KLHL1: variants seen among roughly 807,000 people sequenced by gnomAD.
KLHL1 encodes kelch like family member 1.
In KLHL1, 47 loss-of-function variants were observed where a neutral mutation model predicts 77.7. The observed-to-expected ratio is 0.60, with a 90% CI of 0.48 to 0.77. The LOEUF (loss-of-function observed/expected upper bound fraction) is 0.77, where lower values mean the gene tolerates loss of function less well. Among genes scored for constraint, KLHL1 ranks in the 30% least tolerant of loss-of-function variants. KLHL1 has a pLI of 0.00. For synonymous variants in KLHL1, 360 were observed against 325.2 expected (o/e 1.11, Z -1.15); for missense variants, 925 against 910.8 (o/e 1.02, Z -0.20).
chr13:69,929,862 A>G (rs1185212404), intron 4 of KLHL1, among the ~76,000 whole-genome samples: 1 of 151,848 alleles, frequency 6.6e-6, no homozygotes, highest in Non-Finnish European at 1.5e-5. Context: ...TGATTACCAT[A>G]TATACTCAGG....
intron 4 of KLHL1, among the ~76,000 whole-genome samples, chr13:69,904,513 T>C (rs767609803): frequency 5.3e-5 from 8 of 152,304 alleles, no homozygotes; most frequent in Non-Finnish European, 1.0e-4. Flanking sequence ...TTATTCTTTA[T>C]GCATCTTATT....
In KLHL1 at chr13:70,106,977, T is replaced by C. The variant is rs77139235; in HGVS notation, c.497+226A>G. Among the ~76,000 whole-genome samples the C allele has an allele frequency of 1.5e-4, 23 of 152,368 alleles. No individual in the cohort carries two copies. The East Asian group carries it at 4.4e-3, about 29-fold the overall frequency. ...AATGCATGTAAGTTCAATTGGTGGC[T>C]ACAACTTTGAAAACTTCCAAAAAGA... On this transcript the variant is annotated intron_variant, in intron 1 of 10. Transcript: ENST00000377844.
chr13:69,924,980 C>A (rs746985112), intron 4 of KLHL1, among the ~76,000 whole-genome samples: 3 of 152,182 alleles, frequency 2.0e-5, no homozygotes, highest in African/African-American at 7.2e-5. Context: ...GCACAGTGGC[C>A]AGATCCCATG....
chr13:69,802,231 G>A (rs1877416480), intron 6 of KLHL1, among the ~76,000 whole-genome samples: 1 of 152,140 alleles, frequency 6.6e-6, no homozygotes, highest in South Asian at 2.1e-4. Flanking sequence ...ATTCCATGGT[G>A]TATATGTGCC....
chr13:70,002,852 G>T (rs1184998590), intron 1 of KLHL1, among the ~76,000 whole-genome samples: 2 of 151,548 alleles, frequency 1.3e-5, no homozygotes, highest in Non-Finnish European at 3.0e-5. Context: ...TGATCTGGTT[G>T]AAATACATTC....
At chr13:70,081,529 C>T (rs1488163841) in intron 1 of KLHL1, among the ~76,000 whole-genome samples, 2 of 152,166 alleles carry the variant, frequency 1.3e-5, no homozygotes, top group African/African-American at 2.4e-5. Flanking sequence ...AGGCTGCTCT[C>T]GATTCCTGGA....
At chr13:69,893,845 A>T (rs1030374558) in intron 4 of KLHL1, among the ~76,000 whole-genome samples, 1 of 152,186 alleles carries the variant, frequency 6.6e-6, no homozygotes, top group African/African-American at 2.4e-5. Context: ...GTTTATAGGT[A>T]TTTGTTGTGC....
chr13:69,795,454 A>G (rs1877062469), intron 7 of KLHL1, among the ~76,000 whole-genome samples: 1 of 152,170 alleles, frequency 6.6e-6, no homozygotes, highest in African/African-American at 2.4e-5. Context: ...ATAGGAAAGG[A>G]AGCACTTAGT....
chr13:69,741,164 G>A (rs1490260485), intron 7 of KLHL1, among the ~76,000 whole-genome samples: 3 of 151,914 alleles, frequency 2.0e-5, no homozygotes, highest in East Asian at 3.9e-4. Flanking sequence ...CTAAACACAA[G>A]CAATTAAATA....
chr13:69,723,151 G>A (rs554497511), intron 8 of KLHL1, among the ~76,000 whole-genome samples: 1 of 152,212 alleles, frequency 6.6e-6, no homozygotes, highest in Non-Finnish European at 1.5e-5. Context: ...GAGTAAAACA[G>A]TGGTTATCAA....
intron 1 of KLHL1, among the ~76,000 whole-genome samples, chr13:70,072,267 T>C (rs759329347): frequency 9.2e-5 from 14 of 152,168 alleles, no homozygotes; most frequent in Non-Finnish European, 1.9e-4. Context: ...AATATCTGTG[T>C]AGTTTTTAAA....
chr13:69,761,183 T>C (rs1875003496), intron 7 of KLHL1, among the ~76,000 whole-genome samples: 1 of 152,218 alleles, frequency 6.6e-6, no homozygotes, highest in Non-Finnish European at 1.5e-5. Flanking sequence ...TGAACCAGAA[T>C]AGTTTCAGAG....
chr13:69,843,202 T>A (rs1051612712), intron 5 of KLHL1, among the ~76,000 whole-genome samples: 2 of 151,670 alleles, frequency 1.3e-5, no homozygotes, highest in African/African-American at 4.8e-5. Context: ...CCTGCCTTGA[T>A]CACAACACAC....
At chr13:69,782,300 G>A (rs1876260988) in intron 7 of KLHL1, among the ~76,000 whole-genome samples, 1 of 152,208 alleles carries the variant, frequency 6.6e-6, no homozygotes, top group African/African-American at 2.4e-5. Flanking sequence ...ACTAGGGAGT[G>A]CCAGACAGTG....
intron 7 of KLHL1, among the ~76,000 whole-genome samples, chr13:69,753,612 T>A (rs1874580118): frequency 6.6e-6 from 1 of 152,192 alleles, no homozygotes; most frequent in Non-Finnish European, 1.5e-5. Context: ...AGAATATTTG[T>A]TAATTTTTTC....
At chr13:69,984,447 A>G (rs1470871662) in intron 1 of KLHL1, among the ~76,000 whole-genome samples, 1 of 152,144 alleles carries the variant, frequency 6.6e-6, no homozygotes, top group African/African-American at 2.4e-5. Flanking sequence ...GGAGCAGACA[A>G]CATGATGCCT....
At chr13:69,939,077 T>C (rs1883267790) in intron 4 of KLHL1, among the ~76,000 whole-genome samples, 1 of 151,422 alleles carries the variant, frequency 6.6e-6, no homozygotes, top group South Asian at 2.1e-4. Context: ...TGAATAATAA[T>C]ATCACAGTAA....
At chr13:69,707,480 C>T in intron 10 of KLHL1, 145 bp downstream of exon 10, 1 of 641,282 alleles carries the variant, frequency 1.6e-6, no homozygotes, top group Non-Finnish European at 2.4e-6. Context: ...GAACTTTTTA[C>T]AAAATCAACA....
intron 6 of KLHL1, among the ~76,000 whole-genome samples, chr13:69,815,528 A>G (rs1298883141): frequency 6.6e-6 from 1 of 152,200 alleles, no homozygotes; most frequent in Non-Finnish European, 1.5e-5. Context: ...AGAAAAATGG[A>G]AACAAGTAAC....
Sources: allele counts gnomAD v4.1 joint callset (sites outside exome capture counted in the v4.1 genomes callset), GRCh38; gene constraint gnomAD v4.1.1; transcripts MANE v1.5; gene names NCBI Gene and HGNC (gene_info 2026-07-23, HGNC 2026-07-21).